The following EIF4G2 variants were observed in gnomAD, a reference collection of about 807,000 sequenced individuals.
The protein encoded by EIF4G2 is eukaryotic translation initiation factor 4 gamma 2, also known as DAP-5.
A neutral mutation model predicts 117.7 loss-of-function variants in EIF4G2; 8 were observed. That is an observed-to-expected ratio of 0.07 (90% confidence interval 0.04 to 0.12). EIF4G2 has a LOEUF of 0.12. Ranked by LOEUF, EIF4G2 falls within the 10% of genes least tolerant of loss-of-function variation. The probability of loss-of-function intolerance (pLI) is 1.00; values close to 1 mark genes in which losing one functional copy is unlikely to be tolerated. For synonymous variants in EIF4G2, 413 were observed against 367.8 expected (o/e 1.12, Z -1.41); for missense variants, 812 against 1,086.2 (o/e 0.75, Z 3.55).
rs1372514515 is a variant in EIF4G2, at chr11:10,800,184, T to C, written c.2025A>G (p.Leu675=). 1 of 1,614,138 alleles carries C rather than the reference T, an allele frequency of 6.2e-7. No individual in the cohort carries two copies. Among genetic ancestry groups the C allele is most frequent in the Non-Finnish European group, 8.5e-7 (1 of 1,180,002 alleles). The change falls in exon 18 of 22, where the codon CTA becomes CTG. Residue 675 remains leucine, a synonymous_variant. Coordinates refer to ENST00000339995, the MANE Select transcript of EIF4G2 (RefSeq NM_001418.4). ...ATTTAGCTAACTGCTGAAGACAAAG[T>C]AGGAAGAGAGGAAAATGGGTGCCAC...
In EIF4G2 at chr11:10,804,900, A is replaced by G. The variant is rs1847521034; in HGVS notation, c.351+13T>C. 6.2e-7 allele frequency: 1 copy of G among 1,604,424 alleles called. No individual in the cohort carries two copies. Among genetic ancestry groups the G allele is most frequent in the Non-Finnish European group, 8.5e-7 (1 of 1,171,592 alleles). ...CCTCTCCCTTTTGAGTTAAGCCAATATTTAAAACTTACCAGCAGTATGACC... is the reference window on the plus strand; with the variant it reads ...CCTCTCCCTTTTGAGTTAAGCCAATGTTTAAAACTTACCAGCAGTATGACC... On this transcript the variant is annotated intron_variant, in intron 5 of 21. Coordinates refer to ENST00000339995, the MANE Select transcript of EIF4G2 (RefSeq NM_001418.4).
chr11:10,807,451 A>G, intron 1 of EIF4G2, 70 bp from the exon 2 acceptor site: 1 of 1,446,594 alleles, frequency 6.9e-7, no homozygotes, highest in South Asian at 1.5e-5. Context: ...ATTCAATTAC[A>G]ACGTATTTCA....
chr11:10,799,350 T>C lies in EIF4G2; in HGVS notation c.2399A>G (p.Glu800Gly). The C allele has an allele frequency of 6.2e-7, 1 of 1,613,652 alleles. No homozygotes were observed. Residue 800 changes from glutamate to glycine, a missense_variant, in exon 20 of 22, where the codon GAA becomes GGA. Transcript: ENST00000339995. ...TAGTTGTTTTTCCTGCTCTAACTGT[T>C]CTTTGGAAGGAGCAGAGGATGAATC...
At position 10,803,395 on chromosome 11, in the gene EIF4G2, T is replaced by C. The variant is rs530249711; in HGVS notation, c.813+85A>G. On this transcript the variant is annotated intron_variant, in intron 9 of 21. Coordinates refer to ENST00000339995, the MANE Select transcript of EIF4G2 (RefSeq NM_001418.4). This position sits in a 1 kb window ranked among gnomAD's most constrained non-coding sequence, Gnocchi z 4.0. ...TTATAACCCAGTTAATGGCTAAATA[T>C]GGCAATCCCTTATGATGTCACAAAA... 7 of 1,553,516 alleles carry C rather than the reference T, an allele frequency of 4.5e-6. No homozygotes were observed. The highest frequency in any genetic ancestry group is 1.7e-5 in the Admixed American group (1 of 58,340).
At chr11:10,800,933 AG>A (rs766705607) in intron 15 of EIF4G2, 28 bp downstream of exon 15, 1 of 1,612,856 alleles carries the variant, frequency 6.2e-7, no homozygotes, top group African/African-American at 1.3e-5. Context: ...AGATATCTTT[AG>A]AAAATGCTGT....
intron 1 of EIF4G2, 153 bp downstream of exon 1, chr11:10,808,552 T>C (rs1847663848): frequency 2.7e-6 from 3 of 1,118,266 alleles, no homozygotes; most frequent in Non-Finnish European, 3.4e-6. Context: ...GCCAAGACTT[T>C]CCAGGTATCT....
At chr11:10,805,714 A>C (rs544592340) in intron 4 of EIF4G2, among the ~76,000 whole-genome samples, 193 bp downstream of exon 4, 223 of 152,160 alleles carry the variant, frequency 1.5e-3, no homozygotes, top group African/African-American at 5.2e-3. Context: ...CGGCCTCCCA[A>C]AGTGCTGGGA....
chr11:10,800,848 C>G lies in EIF4G2; in HGVS notation c.1540-13G>C, dbSNP rs1389094201. On this transcript the variant is annotated splice_polypyrimidine_tract_variant and intron_variant, in intron 15 of 21. Coordinates refer to ENST00000339995, the MANE Select transcript of EIF4G2 (RefSeq NM_001418.4). ...CAAGCTGAGGTGTCTAAAAAACAAG[C>G]AATGACAGACTTTTTTTAAAAAGAG... 4 of 1,612,682 alleles carry G rather than the reference C, an allele frequency of 2.5e-6. No homozygotes were observed. The highest frequency in any genetic ancestry group is 1.6e-4 in the Middle Eastern group (1 of 6,082).
At chr11:10,806,731 G>A (rs950025915) in intron 3 of EIF4G2, 89 bp downstream of exon 3, 1 of 1,413,040 alleles carries the variant, frequency 7.1e-7, no homozygotes, top group Non-Finnish European at 1.0e-6. Context: ...TAGGAGTCTT[G>A]ATGGCTATTG....
chr11:10,802,711 C>G (rs1847461066), intron 11 of EIF4G2, among the ~76,000 whole-genome samples: 1 of 151,966 alleles, frequency 6.6e-6, no homozygotes, highest in Admixed American at 6.6e-5. Flanking sequence ...ACTAAAAATA[C>G]AAAAAATTAG....
rs752008963 is a variant in EIF4G2 at position 10,797,904 on chromosome 11, TAA to T, written c.2659-25_2659-24del. On this transcript the variant is annotated intron_variant, in intron 21 of 21. Transcript: ENST00000339995. The surrounding 1 kb of genome is among the most constrained non-coding windows in gnomAD (Gnocchi z 4.5). ...CACCTATAAATTAAGATTTGTAAAT[TAA>T]AATAGTTCATGATATAAACAGAAAT... is the stretch of plus-strand genomic sequence containing the variant. 14 of 1,608,424 alleles carry T rather than the reference TAA, an allele frequency of 8.7e-6. No homozygotes were observed. The highest frequency in any genetic ancestry group is 1.2e-5 in the Non-Finnish European group (14 of 1,176,254).
intron 3 of EIF4G2, 57 bp downstream of exon 3, chr11:10,806,763 G>A (rs879023366): frequency 3.2e-6 from 5 of 1,585,984 alleles, no homozygotes; most frequent in African/African-American, 1.3e-5. Flanking sequence ...CCGTCACATG[G>A]GAAAGACTTT....
At chr11:10,807,587 C>A in intron 1 of EIF4G2, 1 of 1,206,184 alleles carries the variant, frequency 8.3e-7, no homozygotes, top group Non-Finnish European at 1.0e-6. Context: ...AAAGAGACTT[C>A]GTAGAACACA....
At position 10,799,776 on chromosome 11, in the gene EIF4G2, T is replaced by C. The variant is rs1847365053; in HGVS notation, c.2120-20A>G. On this transcript the variant is annotated intron_variant, in intron 18 of 21. Transcript: ENST00000339995. ...CAATTTCTGAAGAGACAAAGCCACCTGCATCATCTAATAGTTCATTTTACC... is the reference window on the plus strand; with the variant it reads ...CAATTTCTGAAGAGACAAAGCCACCCGCATCATCTAATAGTTCATTTTACC... The C allele has an allele frequency of 6.2e-7, 1 of 1,607,020 alleles. No homozygotes were observed. Among genetic ancestry groups the C allele is most frequent in the African/African-American group, 1.3e-5 (1 of 74,590 alleles).
At chr11:10,805,162 G>A in intron 4 of EIF4G2, 147 bp from the exon 5 acceptor site, 1 of 663,864 alleles carries the variant, frequency 1.5e-6, no homozygotes. Context: ...AAACCAAAGG[G>A]ATGCTGAAAT....
At chr11:10,799,452 C>G (rs1315610920) in intron 19 of EIF4G2, 28 bp from the exon 20 acceptor site, 1 of 1,610,888 alleles carries the variant, frequency 6.2e-7, no homozygotes, top group Non-Finnish European at 8.5e-7. Context: ...TTGTTAGAAC[C>G]CAACAGTGAG....
intron 21 of EIF4G2, among the ~76,000 whole-genome samples, chr11:10,798,240 G>A (rs1847315106): frequency 6.6e-6 from 1 of 152,148 alleles, no homozygotes; most frequent in South Asian, 2.1e-4. Flanking sequence ...TCTAGGAATA[G>A]GCCTGGAACC....
At chr11:10,808,360 T>A in intron 1 of EIF4G2, 5 of 1,208,364 alleles carry the variant, frequency 4.1e-6, no homozygotes, top group Non-Finnish European at 5.2e-6. Flanking sequence ...CCGGCCCGCG[T>A]GCCTCCCGCC....
At chr11:10,801,917 TA>T (rs1847430509) in intron 13 of EIF4G2, 131 bp downstream of exon 13, 5 of 1,072,888 alleles carry the variant, frequency 4.7e-6, no homozygotes, top group Non-Finnish European at 6.8e-6. Context: ...CAGGGAAGAA[TA>T]AAAATCTAAC....
Sources: allele counts gnomAD v4.1 joint callset (sites outside exome capture counted in the v4.1 genomes callset), GRCh38; gene constraint gnomAD v4.1.1; non-coding constraint Gnocchi (gnomAD v3.1); transcripts MANE v1.5; gene names NCBI Gene and HGNC (gene_info 2026-07-23, HGNC 2026-07-21).